SH2D4B: variants seen among roughly 807,000 people sequenced by gnomAD.
SH2D4B encodes SH2 domain-containing protein 4B.
In SH2D4B, 45 loss-of-function variants were observed where a neutral mutation model predicts 61.5. That is an observed-to-expected ratio of 0.73 (90% CI 0.58 to 0.94). The LOEUF (loss-of-function observed/expected upper bound fraction) is 0.94, where lower values mean the gene tolerates loss of function less well. Among genes scored for constraint, SH2D4B ranks in the 40% least tolerant of loss-of-function variants. The probability of loss-of-function intolerance (pLI) is 0.00; values close to 1 mark genes in which losing one functional copy is unlikely to be tolerated. For missense variants in SH2D4B, 572 were observed against 574.2 expected (o/e 1.00, Z 0.04); for synonymous variants, 224 against 220.4 (o/e 1.02, Z -0.14).
intron 1 of SH2D4B, among the ~76,000 whole-genome samples, chr10:80,557,175 G>T (rs768114324): frequency 1.8e-4 from 27 of 152,146 alleles, no homozygotes; most frequent in Non-Finnish European, 2.8e-4. Context: ...TTAGTCTGCT[G>T]ATAGGACTAT....
chr10:80,556,557 G>A (rs1841840497), intron 1 of SH2D4B, among the ~76,000 whole-genome samples: 2 of 152,140 alleles, frequency 1.3e-5, no homozygotes, highest in South Asian at 4.1e-4. Flanking sequence ...CATGAAAAAG[G>A]TGTATTGCTC....
rs147310594 is a variant in SH2D4B at position 80,588,618 on chromosome 10, A to G, written c.496-12A>G. On this transcript the variant is annotated splice_polypyrimidine_tract_variant and intron_variant, in intron 3 of 7. Coordinates refer to ENST00000646907, the MANE Select transcript of SH2D4B (RefSeq NM_001388272.1). ...GGTCATCTCGTGTTGTTCTGTTCCC[A>G]TGACATTTTAGAGGAAAGAGGAAGA... 2 of 1,613,490 alleles carry G rather than the reference A, an allele frequency of 1.2e-6. No individual in the cohort carries two copies. The highest frequency in any genetic ancestry group is 1.3e-5 in the African/African-American group (1 of 75,008).
In SH2D4B at chr10:80,645,729, T is replaced by C. The variant is rs562335532; in HGVS notation, c.*1644T>C. On this transcript the variant is annotated 3_prime_UTR_variant, in exon 8 of 8. Transcript: ENST00000646907. ...TTGCACTTCTGAATGAAGTAGCAGCTCATAAGCTTTTGCCACAGGCTCTGT... is the reference window on the plus strand; with the variant it reads ...TTGCACTTCTGAATGAAGTAGCAGCCCATAAGCTTTTGCCACAGGCTCTGT... The C allele has an allele frequency of 6.6e-6, 1 of 152,340 alleles. No homozygotes were observed. The highest frequency in any genetic ancestry group is 1.9e-4 in the East Asian group (1 of 5,184). The allele number at this position is 152,340 out of a possible 1,614,324, so 9.4% of individuals were successfully genotyped here.
At chr10:80,608,657 C>T (rs926929179) in intron 5 of SH2D4B, among the ~76,000 whole-genome samples, 14 of 151,910 alleles carry the variant, frequency 9.2e-5, no homozygotes, top group African/African-American at 2.9e-4. Flanking sequence ...TCTACTCCCT[C>T]GTCTAAACTC....
At chr10:80,549,203 T>TGTGTGTGTGTGTGTG (rs59438371) in intron 1 of SH2D4B, among the ~76,000 whole-genome samples, 2 of 120,298 alleles carry the variant, frequency 1.7e-5, no homozygotes, top group African/African-American at 7.9e-5. Flanking sequence ...TGGGACTTGA[T>TGTGTGTGTGTGTGTG]TGTGTGTGTG....
chr10:80,609,306 TTCC>T, intron 5 of SH2D4B, 115 bp from the exon 6 acceptor site: 8 of 294,014 alleles, frequency 2.7e-5, no homozygotes, highest in East Asian at 9.4e-5. Flanking sequence ...CCACCCCCCC[TTCC>T]TCCTCCTCCT....
In SH2D4B at chr10:80,563,367, G is replaced by A. The variant is rs553100706; in HGVS notation, c.185-6787G>A. 6.6e-5 allele frequency among the ~76,000 whole-genome samples: 10 copies of A among 152,038 alleles called. No homozygotes were observed. In the South Asian group the frequency reaches 8.3e-4, roughly 13 times the overall value. ...ATATTAACCCTTTATCAGATGTATG[G>A]TTTGCAAATATTTTCTTCCATCCTG... On this transcript the variant is annotated intron_variant, in intron 1 of 7. Coordinates refer to ENST00000646907, the MANE Select transcript of SH2D4B (RefSeq NM_001388272.1).
intron 3 of SH2D4B, among the ~76,000 whole-genome samples, chr10:80,577,243 C>A (rs1842136744): frequency 6.6e-6 from 1 of 152,190 alleles, no homozygotes; most frequent in South Asian, 2.1e-4. Flanking sequence ...AGGCACTGAT[C>A]CACCAGACAC....
chr10:80,595,552 C>T (rs1157447321), intron 4 of SH2D4B, among the ~76,000 whole-genome samples: 1 of 152,152 alleles, frequency 6.6e-6, no homozygotes, highest in Non-Finnish European at 1.5e-5. Context: ...ACACTATTGC[C>T]CTGGCCTAGT....
intron 4 of SH2D4B, among the ~76,000 whole-genome samples, chr10:80,592,889 T>G (rs1033603489): frequency 6.6e-6 from 1 of 150,726 alleles, no homozygotes; most frequent in Admixed American, 6.6e-5. Flanking sequence ...TTTTTTTTTT[T>G]CGTATTTTTA....
chr10:80,629,948 A>T (rs578115367), intron 6 of SH2D4B, among the ~76,000 whole-genome samples: 1 of 152,258 alleles, frequency 6.6e-6, no homozygotes, highest in South Asian at 2.1e-4. Flanking sequence ...GGCATGGAGG[A>T]TGTAAAGATG....
At chr10:80,590,188 C>T (rs184146167) in intron 4 of SH2D4B, among the ~76,000 whole-genome samples, 24 of 152,234 alleles carry the variant, frequency 1.6e-4, no homozygotes, top group Admixed American at 3.3e-4. Context: ...GCAGGCTAGG[C>T]AGGCTTCGGA....
intron 3 of SH2D4B, among the ~76,000 whole-genome samples, chr10:80,587,174 C>T (rs1351992379): frequency 2.5e-5 from 3 of 120,142 alleles, no homozygotes; most frequent in Non-Finnish European, 4.9e-5. Flanking sequence ...TTTTTGGAGA[C>T]GCCCAGGCTG....
intron 6 of SH2D4B, among the ~76,000 whole-genome samples, chr10:80,633,580 C>T (rs967963611): frequency 6.6e-6 from 1 of 152,158 alleles, no homozygotes; most frequent in African/African-American, 2.4e-5. Flanking sequence ...CCTCCTATAT[C>T]ACCCAGATGA....
intron 1 of SH2D4B, among the ~76,000 whole-genome samples, chr10:80,548,724 G>T (rs948989247): frequency 1.3e-5 from 2 of 152,166 alleles, no homozygotes; most frequent in Non-Finnish European, 2.9e-5. Flanking sequence ...TGGTTCTGCT[G>T]GCAGATCCCC....
At chr10:80,622,291 A>C (rs1282707588) in intron 6 of SH2D4B, among the ~76,000 whole-genome samples, 1 of 152,200 alleles carries the variant, frequency 6.6e-6, no homozygotes, top group Non-Finnish European at 1.5e-5. Flanking sequence ...TACATTGTGT[A>C]TATATCACCT....
intron 5 of SH2D4B, chr10:80,607,586 A>G (rs1220175103): frequency 6.6e-6 from 1 of 152,262 alleles, no homozygotes; most frequent in East Asian, 1.9e-4. Flanking sequence ...GTGTGCATGC[A>G]TGTGCATGTG....
chr10:80,580,629 C>T (rs1015586863), intron 3 of SH2D4B, among the ~76,000 whole-genome samples: 3 of 152,192 alleles, frequency 2.0e-5, no homozygotes, highest in Admixed American at 2.0e-4. Context: ...TAAAGTTTCT[C>T]ATGAGTCCCC....
At chr10:80,622,696 G>C (rs1842728766) in intron 6 of SH2D4B, among the ~76,000 whole-genome samples, 1 of 152,170 alleles carries the variant, frequency 6.6e-6, no homozygotes, top group South Asian at 2.1e-4. Flanking sequence ...ATTTTCAGCT[G>C]CCACTCTCAG....
Sources: gnomAD v4.1 joint callset for allele counts (sites outside exome capture counted in the v4.1 genomes callset) on GRCh38, gnomAD v4.1.1 for gene constraint, MANE v1.5 for transcripts, NCBI Gene and HGNC (gene_info 2026-07-23, HGNC 2026-07-21) for gene names.